The following UBE2O variants were observed in gnomAD, a reference collection of about 807,000 sequenced individuals.
UBE2O encodes (E3-independent) E2 ubiquitin-conjugating enzyme.
A neutral mutation model predicts 125.8 loss-of-function variants in UBE2O; 15 were observed. The observed-to-expected ratio is 0.12, with a 90% CI of 0.08 to 0.18. The LOEUF is 0.18. UBE2O is among the 10% of genes least tolerant of loss of function. The probability of loss-of-function intolerance (pLI) is 1.00; values close to 1 mark genes in which losing one functional copy is unlikely to be tolerated. For synonymous variants in UBE2O, 708 were observed against 703.2 expected (o/e 1.01, Z -0.11); for missense variants, 1,280 against 1,723.6 (o/e 0.74, Z 4.56).
At chr17:76,445,522 G>A (rs926561877) in intron 1 of UBE2O, among the ~76,000 whole-genome samples, 1 of 152,138 alleles carries the variant, frequency 6.6e-6, no homozygotes, top group Admixed American at 6.5e-5. Flanking sequence ...TGACTGCAAT[G>A]TTTAAACCAT....
chr17:76,392,905 T>C (rs2072138673), intron 15 of UBE2O, among the ~76,000 whole-genome samples: 1 of 151,172 alleles, frequency 6.6e-6, no homozygotes, highest in Non-Finnish European at 1.5e-5. Context: ...TGAGCCGAGA[T>C]TGTGCCATTG....
intron 1 of UBE2O, among the ~76,000 whole-genome samples, chr17:76,450,015 C>G (rs1027605616): frequency 2.6e-5 from 4 of 151,234 alleles, no homozygotes; most frequent in African/African-American, 7.3e-5. Flanking sequence ...TGTGTGAGAC[C>G]AGGAATTCAA....
chr17:76,392,611 G>A (rs1016388545), intron 15 of UBE2O, among the ~76,000 whole-genome samples: 3 of 151,848 alleles, frequency 2.0e-5, no homozygotes, highest in African/African-American at 7.3e-5. Flanking sequence ...AATACTCGAA[G>A]TGAGTTTTTA....
Position 76,391,437 on chromosome 17 carries a change from G to T in UBE2O, c.3385C>A (p.Gln1129Lys). 1.2e-6 allele frequency: 2 copies of T among 1,613,748 alleles called. No individual in the cohort carries two copies. Among genetic ancestry groups the T allele is most frequent in the Non-Finnish European group, 1.7e-6 (2 of 1,180,028 alleles). Reference protein sequence around the residue: ...PPEVFEQEIRQHFSTGGWRLV... With the variant: ...PPEVFEQEIRKHFSTGGWRLV... ...CGCCAGCCACCAGTGCTAAAGTGTT[G>T]CCTGATCTCCTGCTCAAAGACCTCG... The change falls in exon 18 of 18, where the codon CAA becomes AAA. Residue 1129 changes from glutamine (Q) to lysine (K), a missense_variant. Around this residue, in one of 10 missense-constraint regions of UBE2O, gnomAD observed 233 missense variants for 279.0 expected, o/e 0.84. Transcript: ENST00000319380. The surrounding 1 kb of genome is among the most constrained non-coding windows in gnomAD (Gnocchi z 8.4).
At chr17:76,413,421 A>G (rs1207739329) in intron 1 of UBE2O, among the ~76,000 whole-genome samples, 2 of 152,170 alleles carry the variant, frequency 1.3e-5, no homozygotes, top group Non-Finnish European at 2.9e-5. Flanking sequence ...TATAGAACCA[A>G]TTTAGTGGGT....
chr17:76,417,817 G>A (rs443112), intron 1 of UBE2O, among the ~76,000 whole-genome samples: 9,675 of 152,278 alleles, frequency 0.064, 382 homozygotes, highest in South Asian at 0.12. Flanking sequence ...ATGCATCAGC[G>A]TCCGCGAAGA....
chr17:76,420,888 CT>C (rs1309159406), intron 1 of UBE2O, among the ~76,000 whole-genome samples: 1 of 152,092 alleles, frequency 6.6e-6, no homozygotes, highest in Non-Finnish European at 1.5e-5. Flanking sequence ...ACTCACCCCC[CT>C]AGACTTCCAA....
chr17:76,407,792 G>A (rs1413790589), intron 1 of UBE2O, among the ~76,000 whole-genome samples: 1 of 152,232 alleles, frequency 6.6e-6, no homozygotes, highest in East Asian at 1.9e-4. Context: ...GAGGGAGGCT[G>A]GCAGCAAATG....
chr17:76,433,655 G>A lies in UBE2O; in HGVS notation c.417+19070C>T, dbSNP rs569878581. ...TCTCGATCGCTTGAACCCAGGAGGT[G>A]GAGTGAGTATTGCGCCACTGCATTC... On this transcript the variant is annotated intron_variant, in intron 1 of 17. Coordinates refer to ENST00000319380, the MANE Select transcript of UBE2O (RefSeq NM_022066.4). Among the ~76,000 whole-genome samples the A allele has an allele frequency of 4.7e-4, 71 of 151,420 alleles. 1 individual carries two copies. In the South Asian group the frequency reaches 0.014, roughly 31 times the overall value.
chr17:76,450,163 G>A (rs2073215528), intron 1 of UBE2O, among the ~76,000 whole-genome samples: 1 of 151,824 alleles, frequency 6.6e-6, no homozygotes, highest in South Asian at 2.1e-4. Context: ...AGTCAATCTT[G>A]GTCTAATGGT....
chr17:76,415,826 T>C (rs905660315), intron 1 of UBE2O, among the ~76,000 whole-genome samples: 4 of 151,654 alleles, frequency 2.6e-5, no homozygotes, highest in African/African-American at 4.8e-5. Context: ...TGTGTGTGTG[T>C]GTGCATACAC....
At chr17:76,403,934 A>G (rs917959207) in intron 3 of UBE2O, among the ~76,000 whole-genome samples, 4 of 152,380 alleles carry the variant, frequency 2.6e-5, no homozygotes, top group East Asian at 1.9e-4. Flanking sequence ...TCCAAGCAAC[A>G]GAACAGATAA....
rs1038067230 is a variant in UBE2O at position 76,410,836 on chromosome 17, C to T, written c.418-5264G>A. ...TGAGCTGCAGTCTTGAGGCTGACCC[C>T]CAATAACACAGCAAAAGCAACTAGC... On this transcript the variant is annotated intron_variant, in intron 1 of 17. Coordinates refer to ENST00000319380, the MANE Select transcript of UBE2O (RefSeq NM_022066.4). This position sits in a 1 kb window ranked among gnomAD's most constrained non-coding sequence, Gnocchi z 4.0. Among the ~76,000 whole-genome samples the T allele has an allele frequency of 6.6e-6, 1 of 152,134 alleles. No homozygotes were observed. The highest frequency in any genetic ancestry group is 2.4e-5 in the African/African-American group (1 of 41,416).
intron 1 of UBE2O, among the ~76,000 whole-genome samples, chr17:76,429,541 C>CTAA (rs2072868904): frequency 1.4e-5 from 1 of 71,808 alleles, no homozygotes; most frequent in Non-Finnish European, 2.5e-5. Context: ...GACTCTGTCT[C>CTAA]AAAAAAAAAA....
rs759925606 is a variant in UBE2O, at chr17:76,400,218, C to G, written c.1084G>C (p.Glu362Gln). The G allele has an allele frequency of 1.1e-5, 18 of 1,613,994 alleles. No homozygotes were observed. In the African/African-American group the frequency reaches 1.9e-4, roughly 17 times the overall value. ...RCLYVFPAKV[E>Q]PAKIAWECPE... ...CATTCCCAGGCAATCTTGGCTGGCT[C>G]TACCTTGGCTGGGAAGACATACAGA... is the stretch of plus-strand genomic sequence containing the variant. The change falls in exon 8 of 18, where the codon GAG becomes CAG. Residue 362 changes from glutamate (E) to glutamine (Q), a missense_variant. By Grantham distance (29) the Glu-to-Gln change is conservative (BLOSUM62 2). Coordinates refer to ENST00000319380, the MANE Select transcript of UBE2O (RefSeq NM_022066.4). This position sits in a 1 kb window ranked among gnomAD's most constrained non-coding sequence, Gnocchi z 4.3.
intron 1 of UBE2O, among the ~76,000 whole-genome samples, chr17:76,425,770 T>C (rs1488335266): frequency 3.3e-5 from 5 of 152,256 alleles, no homozygotes; most frequent in Non-Finnish European, 7.3e-5. Flanking sequence ...TTTCTAAATA[T>C]CTTCAAATTA....
chr17:76,399,309 T>C lies in UBE2O; in HGVS notation c.1628+140A>G, dbSNP rs2072273192. ...CCAGGGCCTACCCCAGGCACCTACG[T>C]TGTCTCGGGTGGGAGCCCCGGAGCC... On this transcript the variant is annotated intron_variant, in intron 9 of 17. Coordinates refer to ENST00000319380, the MANE Select transcript of UBE2O (RefSeq NM_022066.4). This position sits in a 1 kb window ranked among gnomAD's most constrained non-coding sequence, Gnocchi z 6.9. 1.3e-5 allele frequency: 12 copies of C among 896,686 alleles called. No individual in the cohort carries two copies. The highest frequency in any genetic ancestry group is 2.1e-5 in the Non-Finnish European group (12 of 585,304). 55.5% of individuals were successfully genotyped at this position (896,686 alleles called of 1,614,324 possible).
At chr17:76,430,867 G>A (rs1293249205) in intron 1 of UBE2O, 3 of 394,134 alleles carry the variant, frequency 7.6e-6, no homozygotes, top group African/African-American at 2.1e-5. Flanking sequence ...ATGCCAATTC[G>A]GGTTCTGCAG....
chr17:76,401,276 A>G, intron 5 of UBE2O, 122 bp from the exon 6 acceptor site: 1 of 1,164,562 alleles, frequency 8.6e-7, no homozygotes, highest in Non-Finnish European at 1.2e-6. Flanking sequence ...CACGCCCCAC[A>G]CGCCCTAAAA....
Sources: gnomAD v4.1 joint callset for allele counts (sites outside exome capture counted in the v4.1 genomes callset) on GRCh38, gnomAD v4.1.1 for gene constraint, gnomAD v4.1.1 regional missense constraint, Gnocchi (gnomAD v3.1) non-coding constraint, MANE v1.5 for transcripts, NCBI Gene and HGNC (gene_info 2026-07-23, HGNC 2026-07-21) for gene names.